Variants in MAP3K11 observed in about 807,000 individuals in gnomAD.
MAP3K11 encodes mitogen-activated protein kinase kinase kinase 11, also known as SH3 domain-containing proline-rich kinase.
MAP3K11 carries 46 observed loss-of-function variants against 84.9 expected under a neutral mutation model. That is an observed-to-expected ratio of 0.54 (90% confidence interval 0.43 to 0.69). MAP3K11 has a LOEUF of 0.69. MAP3K11 is among the 30% of genes least tolerant of loss of function. MAP3K11 has a pLI of 0.00. For synonymous variants in MAP3K11, 527 were observed against 514.7 expected (o/e 1.02, Z -0.32); for missense variants, 1,053 against 1,198.3 (o/e 0.88, Z 1.79).
intron 8 of MAP3K11, 175 bp downstream of exon 8, chr11:65,605,586 G>A: frequency 1.8e-6 from 1 of 553,718 alleles, no homozygotes; most frequent in Non-Finnish European, 3.1e-6. Context: ...GGGCCTGTAG[G>A]TCAGACCTGG....
chr11:65,613,468 A>T lies in MAP3K11; in HGVS notation c.289T>A (p.Ser97Thr). 6.2e-7 allele frequency: 1 copy of T among 1,612,004 alleles called. No homozygotes were observed. Among genetic ancestry groups the T allele is most frequent in the Non-Finnish European group, 8.5e-7 (1 of 1,179,338 alleles). ...CCGCCACCCCGAGACACATAGTTGG[A>T]CGGGAAGATGCCCACCTGGCCACCC... Reference protein sequence around the residue: ...QVGGQVGIFPSNYVSRGGGPP... With the variant: ...QVGGQVGIFPTNYVSRGGGPP... Residue 97 changes from serine to threonine, a missense_variant, in exon 1 of 10, where the codon TCC becomes ACC. Physicochemically the swap from Ser to Thr is moderately conservative, Grantham distance 58. This residue lies in a region of MAP3K11 where 160 missense variants were observed against 167.3 expected (regional missense o/e 0.96). Coordinates refer to ENST00000309100, the MANE Select transcript of MAP3K11 (RefSeq NM_002419.4).
chr11:65,604,745 T>A (rs892595646), intron 8 of MAP3K11, among the ~76,000 whole-genome samples: 3 of 148,162 alleles, frequency 2.0e-5, no homozygotes, highest in Admixed American at 1.3e-4. Context: ...ATGGGAGGAG[T>A]GAGTTTAAAC....
Position 65,598,448 on chromosome 11 carries a change from G to A in MAP3K11, c.2387C>T (p.Pro796Leu), listed in dbSNP as rs373649447. 1.2e-5 allele frequency: 20 copies of A among 1,611,834 alleles called. No individual in the cohort carries two copies. The highest frequency in any genetic ancestry group is 1.7e-5 in the Non-Finnish European group (20 of 1,178,678). ...GGTCCAGGGTGCTCGGCGGGGTGCA[G>A]GCTGTGGTGATGGCAGGGGAGAAGG... ...PRPSPLPSPQ[P>L]APRRAPWTLF... The change falls in exon 10 of 10, where the codon CCT (proline) becomes CTT (leucine). Residue 796 changes from proline (P) to leucine (L), a missense_variant. Transcript: ENST00000309100.
chr11:65,601,297 G>A (rs1854452631), intron 8 of MAP3K11, among the ~76,000 whole-genome samples: 1 of 152,072 alleles, frequency 6.6e-6, no homozygotes, highest in African/African-American at 2.4e-5. Flanking sequence ...AAGACCAACT[G>A]GGATGTCACT....
At position 65,598,111 on chromosome 11, in the gene MAP3K11, G is replaced by A. The variant is rs1331193061; in HGVS notation, c.*180C>T. On this transcript the variant is annotated 3_prime_UTR_variant, in exon 10 of 10. Transcript: ENST00000309100. ...GGGACCTACAGGTTTCAGATGTGGGGGCGCAGGTCCCCCTTCCAGTGTGAA... is the reference window on the plus strand; with the variant it reads ...GGGACCTACAGGTTTCAGATGTGGGAGCGCAGGTCCCCCTTCCAGTGTGAA... 8 of 436,142 alleles carry A rather than the reference G, an allele frequency of 1.8e-5. No homozygotes were observed. Among genetic ancestry groups the A allele is most frequent in the Non-Finnish European group, 3.1e-5 (8 of 254,050 alleles). 27.0% of individuals were successfully genotyped at this position (436,142 alleles called of 1,614,324 possible).
chr11:65,604,882 A>G (rs1036988594), intron 8 of MAP3K11, among the ~76,000 whole-genome samples: 1 of 152,114 alleles, frequency 6.6e-6, no homozygotes, highest in African/African-American at 2.4e-5. Flanking sequence ...AAGGGAGGCC[A>G]TAACTCTCTG....
At chr11:65,605,057 A>C (rs1182269878) in intron 8 of MAP3K11, among the ~76,000 whole-genome samples, 1 of 152,140 alleles carries the variant, frequency 6.6e-6, no homozygotes, top group Non-Finnish European at 1.5e-5. Context: ...TTGGAGCTGA[A>C]GCCTCTCTGG....
At chr11:65,603,328 CT>C (rs1288329357) in intron 8 of MAP3K11, among the ~76,000 whole-genome samples, 1 of 152,262 alleles carries the variant, frequency 6.6e-6, no homozygotes, top group Non-Finnish European at 1.5e-5. Flanking sequence ...CGTGACTATT[CT>C]TGACCCAAAG....
intron 1 of MAP3K11, chr11:65,610,229 T>C (rs1854558247): frequency 6.6e-6 from 1 of 152,218 alleles, no homozygotes; most frequent in Admixed American, 6.5e-5. Context: ...CCAGTAGATT[T>C]TCCTGCAATT....
At chr11:65,611,843 A>T (rs1483932662) in intron 1 of MAP3K11, 4 of 152,260 alleles carry the variant, frequency 2.6e-5, no homozygotes. Flanking sequence ...GGGTCCCTAG[A>T]TAGTTAGAGC....
chr11:65,600,288 C>T (rs1208589480), intron 8 of MAP3K11, among the ~76,000 whole-genome samples: 1 of 152,214 alleles, frequency 6.6e-6, no homozygotes, highest in Non-Finnish European at 1.5e-5. Flanking sequence ...ATCCCTGTCT[C>T]TATTCTAGAA....
rs754984608 is a variant in MAP3K11 at position 65,607,836 on chromosome 11, C to G, written c.1070-20G>C. 1 of 1,607,406 alleles carries G rather than the reference C, an allele frequency of 6.2e-7. No homozygotes were observed. The highest frequency in any genetic ancestry group is 8.5e-7 in the Non-Finnish European group (1 of 1,175,182). On this transcript the variant is annotated intron_variant, in intron 3 of 9. Coordinates refer to ENST00000309100, the MANE Select transcript of MAP3K11 (RefSeq NM_002419.4). Reference sequence around the variant, plus strand: ...AGCAGTCTAGGGGCACGGCGTGCAGCGGGGACAGAATAAGAAGGGGTCCGT... The same window carrying G: ...AGCAGTCTAGGGGCACGGCGTGCAGGGGGGACAGAATAAGAAGGGGTCCGT...
At chr11:65,605,487 G>A (rs1032833102) in intron 8 of MAP3K11, 1 of 337,004 alleles carries the variant, frequency 3.0e-6, no homozygotes, top group Non-Finnish European at 5.4e-6. Flanking sequence ...CATGGGGCCA[G>A]GGAAGAGGCT....
chr11:65,609,239 G>A (rs1198574658), intron 1 of MAP3K11: 1 of 152,204 alleles, frequency 6.6e-6, no homozygotes, highest in Non-Finnish European at 1.5e-5. Flanking sequence ...CAAGAGGGAA[G>A]CTCTTGGTGA....
rs781635640 is a variant in MAP3K11, at chr11:65,607,526, CA to C, written c.1246-14del. On this transcript the variant is annotated splice_polypyrimidine_tract_variant and intron_variant, in intron 4 of 9. Transcript: ENST00000309100. ...GGCTCAGTAGTTCCTGCGCCCGAGA[CA>C]GCGATGGTGGAGAGGTCAGCCTGGC... The C allele has an allele frequency of 1.0e-5, 16 of 1,557,612 alleles. No homozygotes were observed. The highest frequency in any genetic ancestry group is 1.4e-5 in the Non-Finnish European group (16 of 1,158,762).
At position 65,607,800 on chromosome 11, in the gene MAP3K11, G is replaced by T; in HGVS notation, c.1086C>A (p.Asp362Glu). Reference protein sequence around the residue: ...AQLMADCWAQDPHRRPDFASI... With the variant: ...AQLMADCWAQEPHRRPDFASI... ...AGGCGAAGTCGGGCCTGCGGTGGGGGTCCTGCGCCCAGCAGTCTAGGGGCA... is the reference window on the plus strand; with the variant it reads ...AGGCGAAGTCGGGCCTGCGGTGGGGTTCCTGCGCCCAGCAGTCTAGGGGCA... Residue 362 changes from aspartate to glutamate, a missense_variant, in exon 4 of 10, where the codon GAC becomes GAA. Asp to Glu is a conservative substitution (Grantham distance 45). This residue lies in a region of MAP3K11 where 310 missense variants were observed against 464.5 expected (regional missense o/e 0.67). Transcript: ENST00000309100. The T allele has an allele frequency of 6.2e-7, 1 of 1,611,830 alleles. No individual in the cohort carries two copies. Among genetic ancestry groups the T allele is most frequent in the Non-Finnish European group, 8.5e-7 (1 of 1,179,014 alleles).
Position 65,606,983 on chromosome 11 carries a change from C to T in MAP3K11, c.1490-179G>A, listed in dbSNP as rs181247930. The T allele has an allele frequency of 5.9e-4, 342 of 577,270 alleles. 2 individuals are homozygous for T. In the African/African-American group the frequency reaches 6.0e-3, roughly 10 times the overall value. The allele number at this position is 577,270 out of a possible 1,614,324, so 35.8% of individuals were successfully genotyped here. ...CTGGGTCTGGATAAGGAAAGCTACT[C>T]GTCTGAGTCGGAGATGCCCTGGCGC... On this transcript the variant is annotated intron_variant, in intron 5 of 9. Transcript: ENST00000309100.
chr11:65,608,244 G>A (rs1047005113), intron 2 of MAP3K11, 24 bp downstream of exon 2: 4 of 1,609,618 alleles, frequency 2.5e-6, no homozygotes, highest in East Asian at 2.2e-5. Context: ...GTAGCAGCCC[G>A]TCCAGCCCCA....
In MAP3K11 at chr11:65,606,692, C is replaced by A; in HGVS notation, c.1602G>T (p.Gln534His). The A allele has an allele frequency of 6.3e-7, 1 of 1,592,934 alleles. No individual in the cohort carries two copies. The highest frequency in any genetic ancestry group is 8.5e-7 in the Non-Finnish European group (1 of 1,170,238). Residue 534 changes from glutamine to histidine, a missense_variant and splice_region_variant, in exon 6 of 10, where the codon CAG becomes CAT. This residue lies in a region of MAP3K11 where 583 missense variants were observed against 566.6 expected (regional missense o/e 1.03). Coordinates refer to ENST00000309100, the MANE Select transcript of MAP3K11 (RefSeq NM_002419.4). ...SPTFPRFRAI[Q>H]LEPAEPGQAW... The stretch of plus-strand genomic sequence containing the variant: ...GGCATGAGAGGTGAAGTTTCTTACA[C>A]TGGATGGCTCGGAACCGGGGAAAGG...
Sources: gnomAD v4.1 joint callset for allele counts (sites outside exome capture counted in the v4.1 genomes callset) on GRCh38, gnomAD v4.1.1 for gene constraint, gnomAD v4.1.1 regional missense constraint, MANE v1.5 for transcripts, NCBI Gene and HGNC (gene_info 2026-07-23, HGNC 2026-07-21) for gene names.